Variants in TSPEAR observed in about 807,000 individuals in gnomAD.
TSPEAR encodes thrombospondin-type laminin G domain and EAR repeat-containing protein.
TSPEAR carries 69 observed loss-of-function variants against 71.6 expected under a neutral mutation model. The observed-to-expected ratio is 0.96, with a 90% CI of 0.79 to 1.18. TSPEAR has a LOEUF of 1.18. Among genes scored for constraint, TSPEAR ranks in the 50% most tolerant of loss-of-function variants. The pLI, the probability that TSPEAR is intolerant of heterozygous loss-of-function variation, is 0.00. For missense variants in TSPEAR, 971 were observed against 894.9 expected (o/e 1.09, Z -1.09); for synonymous variants, 402 against 387.2 (o/e 1.04, Z -0.45).
At chr21:44,533,560 G>C in intron 3 of TSPEAR, 125 bp downstream of exon 3, 1 of 816,778 alleles carries the variant, frequency 1.2e-6, no homozygotes, top group Middle Eastern at 3.6e-4. Flanking sequence ...CATGGCTCCT[G>C]ACCCTGGTCA....
At position 44,520,818 on chromosome 21, in the gene TSPEAR, C is replaced by G. The variant is rs1249711075; in HGVS notation, c.1566+1065G>C. 6.6e-6 allele frequency: 1 copy of G among 152,272 alleles called. No individual in the cohort carries two copies. The highest frequency in any genetic ancestry group is 1.9e-4 in the East Asian group (1 of 5,196). 9.4% of individuals were successfully genotyped at this position (152,272 alleles called of 1,614,324 possible). A position where few individuals can be genotyped will look rare whatever the true frequency, so the allele number is the denominator to read the frequency against. ...CCTTCAATCATTTCAGCCATAAAGCCCCACCCACCACATGCACAGCTTCTT... is the reference window on the plus strand; with the variant it reads ...CCTTCAATCATTTCAGCCATAAAGCGCCACCCACCACATGCACAGCTTCTT... On this transcript the variant is annotated intron_variant, in intron 9 of 11. Transcript: ENST00000323084. This position sits in a 1 kb window ranked among gnomAD's most constrained non-coding sequence, Gnocchi z 4.2.
chr21:44,579,946 G>A (rs782385800), intron 1 of TSPEAR: 1 of 1,614,112 alleles, frequency 6.2e-7, no homozygotes, highest in Admixed American at 1.7e-5. Context: ...AGCAGGAGGT[G>A]GTGCAGCAAG....
chr21:44,592,148 C>T lies in TSPEAR; in HGVS notation c.83-24143G>A, dbSNP rs1212699408. On this transcript the variant is annotated intron_variant, in intron 1 of 11. Transcript: ENST00000323084. ...TTGCAGCAGACAGTCTTGCAGCAGA[C>T]GGGCACGCAGCAGGCCTGCTGGCAG... 5.8e-6 allele frequency: 9 copies of T among 1,561,580 alleles called. No individual in the cohort carries two copies. In the East Asian group the frequency reaches 6.9e-5, roughly 12 times the overall value.
chr21:44,576,897 G>A (rs1232160476), intron 1 of TSPEAR, among the ~76,000 whole-genome samples: 2 of 152,202 alleles, frequency 1.3e-5, no homozygotes, highest in Admixed American at 6.5e-5. Flanking sequence ...AGGCCTGAGA[G>A]CAAGTCTCAG....
chr21:44,630,677 G>A (rs1983205105), intron 1 of TSPEAR, among the ~76,000 whole-genome samples: 1 of 120,060 alleles, frequency 8.3e-6, no homozygotes, highest in Non-Finnish European at 1.8e-5. Flanking sequence ...GGGGAAGGCA[G>A]GAAGTGAAGG....
At chr21:44,540,199 TG>T (rs1246092656) in intron 2 of TSPEAR, 1 of 1,590,358 alleles carries the variant, frequency 6.3e-7, no homozygotes, top group Non-Finnish European at 8.6e-7. Context: ...TGAGTGAGTG[TG>T]GGAGTCAGTG....
Position 44,509,309 on chromosome 21 carries a change from G to A in TSPEAR, c.1644C>T (p.Tyr548=), listed in dbSNP as rs115847549. Residue 548 remains tyrosine, a synonymous_variant, in exon 10 of 12, where the codon TAC becomes TAT. Coordinates refer to ENST00000323084, the MANE Select transcript of TSPEAR (RefSeq NM_144991.3). Reference sequence around the variant, plus strand: ...CATTCTGGACTTGCATCTCCACATCGTAGCTGTGACTGTTTGCCACAGCGA... The same window carrying A: ...CATTCTGGACTTGCATCTCCACATCATAGCTGTGACTGTTTGCCACAGCGA... ...IFLAVANSHS[Y]DVEMQVQNDS... The A allele has an allele frequency of 2.7e-3, 4,438 of 1,613,960 alleles. 58 individuals carry two copies. The African/African-American group carries it at 0.032, about 12-fold the overall frequency.
At chr21:44,584,625 A>T (rs1262673912) in intron 1 of TSPEAR, among the ~76,000 whole-genome samples, 3 of 152,064 alleles carry the variant, frequency 2.0e-5, no homozygotes, top group East Asian at 1.9e-4. Context: ...TCTCTCTCTC[A>T]CACACAATTA....
chr21:44,636,113 C>CAAA (rs1983548359), intron 1 of TSPEAR, among the ~76,000 whole-genome samples: 1 of 152,220 alleles, frequency 6.6e-6, no homozygotes, highest in South Asian at 2.1e-4. Flanking sequence ...ATTACAAGTA[C>CAAA]TTTCTGGCAG....
chr21:44,507,635 C>T (rs1250934374), intron 10 of TSPEAR, among the ~76,000 whole-genome samples: 1 of 152,242 alleles, frequency 6.6e-6, no homozygotes, highest in Non-Finnish European at 1.5e-5. Context: ...TCTGTCAGTT[C>T]CCGCAGCTTT....
In TSPEAR at chr21:44,625,598, C is replaced by T. The variant is rs11910181; in HGVS notation, c.83-57593G>A. On this transcript the variant is annotated intron_variant, in intron 1 of 11. Coordinates refer to ENST00000323084, the MANE Select transcript of TSPEAR (RefSeq NM_144991.3). ...GTCTGAAACCCAGTCCTATCCCCAG[C>T]GTTCCCACATGCAAGTCTGAGTGGA... Among the ~76,000 whole-genome samples, 4 of 152,296 alleles carry T rather than the reference C, an allele frequency of 2.6e-5. No individual in the cohort carries two copies. The East Asian group carries it at 5.8e-4, about 22-fold the overall frequency.
At chr21:44,599,134 T>TTTTCTCTCTCTCTCTC in intron 1 of TSPEAR, among the ~76,000 whole-genome samples, 1 of 92,342 alleles carries the variant, frequency 1.1e-5, no homozygotes, top group Non-Finnish European at 2.4e-5. Flanking sequence ...GGCCCCCATT[T>TTTTCTCTCTCTCTCTC]TCTCTCTCTC....
chr21:44,667,885 T>A (rs1224617830), intron 1 of TSPEAR, among the ~76,000 whole-genome samples: 1 of 152,114 alleles, frequency 6.6e-6, no homozygotes. Context: ...ATGACAACAA[T>A]CAACAAACTA....
intron 2 of TSPEAR, chr21:44,551,294 G>T (rs782263136): frequency 2.5e-6 from 4 of 1,613,374 alleles, no homozygotes; most frequent in Non-Finnish European, 2.5e-6. Flanking sequence ...GGCAGCAGGG[G>T]CTGGACACAC....
chr21:44,517,553 T>C (rs1206868552), intron 9 of TSPEAR: 4 of 343,932 alleles, frequency 1.2e-5, no homozygotes, highest in Non-Finnish European at 2.3e-5. Context: ...GGCTGGGACA[T>C]GTGACTGGCA....
At chr21:44,596,187 G>C (rs1980356177) in intron 1 of TSPEAR, among the ~76,000 whole-genome samples, 1 of 152,226 alleles carries the variant, frequency 6.6e-6, no homozygotes, top group South Asian at 2.1e-4. Context: ...CTGTCAACTG[G>C]AGGCTGCCAT....
At chr21:44,707,109 G>A (rs1043821348) in intron 1 of TSPEAR, among the ~76,000 whole-genome samples, 1 of 152,258 alleles carries the variant, frequency 6.6e-6, no homozygotes, top group African/African-American at 2.4e-5. Context: ...GTTGTGTGGG[G>A]TTGGGCGAGC....
intron 2 of TSPEAR, chr21:44,558,858 T>C: frequency 8.9e-7 from 1 of 1,126,348 alleles, no homozygotes; most frequent in Non-Finnish European, 1.3e-6. Context: ...TGCCCCTGCC[T>C]GGCTTCGAGA....
At chr21:44,676,532 G>A in intron 1 of TSPEAR, 1 of 751,996 alleles carries the variant, frequency 1.3e-6, no homozygotes, top group Non-Finnish European at 2.4e-6. Flanking sequence ...TTTATATCCA[G>A]AGTAAAGTTG....
Sources: allele counts gnomAD v4.1 joint callset (sites outside exome capture counted in the v4.1 genomes callset), GRCh38; gene constraint gnomAD v4.1.1; non-coding constraint Gnocchi (gnomAD v3.1); transcripts MANE v1.5; gene names NCBI Gene and HGNC (gene_info 2026-07-23, HGNC 2026-07-21).